Variants in STRN observed in about 807,000 individuals in gnomAD.
STRN encodes the protein protein phosphatase 2 regulatory subunit B'''alpha.
A neutral mutation model predicts 96.3 loss-of-function variants in STRN; 53 were observed. The ratio of observed to expected loss-of-function variants is 0.55; its 90% CI spans 0.44 to 0.69. STRN has a LOEUF of 0.69. Among genes scored for constraint, STRN ranks in the 30% least tolerant of loss-of-function variants. The pLI is 0.00. For missense variants in STRN, 987 were observed against 963.9 expected (o/e 1.02, Z -0.32); for synonymous variants, 428 against 355.9 (o/e 1.20, Z -2.28).
chr2:36,857,862 T>C lies in STRN; in HGVS notation c.1831A>G (p.Thr611Ala). The C allele has an allele frequency of 6.2e-7, 1 of 1,613,266 alleles. No homozygotes were observed. Among genetic ancestry groups the C allele is most frequent in the Non-Finnish European group, 8.5e-7 (1 of 1,179,490 alleles). ...AATTTTTTAAAGTATGTACCTTTAG[T>C]ATCATTAAATACACTTAGTGCTGGA... ...VAPALSVFND[T>A]KELGIPASVD... The change falls in exon 14 of 18, where the codon ACT becomes GCT. Residue 611 changes from threonine (T) to alanine (A), a missense_variant. Transcript: ENST00000263918.
intron 1 of STRN, among the ~76,000 whole-genome samples, chr2:36,930,044 C>T (rs1317590908): frequency 6.6e-6 from 1 of 152,178 alleles, no homozygotes; most frequent in Non-Finnish European, 1.5e-5. Flanking sequence ...TCTATTCCCT[C>T]TGAAAAGCTT....
At chr2:36,909,395 C>T (rs1484945029) in intron 3 of STRN, among the ~76,000 whole-genome samples, 3 of 151,958 alleles carry the variant, frequency 2.0e-5, no homozygotes, top group Non-Finnish European at 4.4e-5. Flanking sequence ...CTGCTATTTC[C>T]TGTCAAATTA....
At chr2:36,956,118 G>A (rs566332139) in intron 1 of STRN, among the ~76,000 whole-genome samples, 1 of 152,210 alleles carries the variant, frequency 6.6e-6, no homozygotes, top group South Asian at 2.1e-4. Flanking sequence ...GTACTTACAG[G>A]ACAAAGAGAA....
At chr2:36,958,393 G>C (rs538349680) in intron 1 of STRN, among the ~76,000 whole-genome samples, 21 of 152,300 alleles carry the variant, frequency 1.4e-4, no homozygotes, top group Admixed American at 2.6e-4. Context: ...TACTTACTAT[G>C]TTTAAAGAAT....
intron 1 of STRN, among the ~76,000 whole-genome samples, chr2:36,954,520 GAAAA>G (rs35594116): frequency 1.2e-5 from 1 of 84,894 alleles, no homozygotes; most frequent in Non-Finnish European, 2.5e-5. Context: ...TCAAACAGGG[GAAAA>G]AAAAAAAAAA....
intron 12 of STRN, among the ~76,000 whole-genome samples, chr2:36,862,010 T>G (rs1169864315): frequency 6.6e-6 from 1 of 152,156 alleles, no homozygotes; most frequent in African/African-American, 2.4e-5. Context: ...CACTTATAAG[T>G]GAGAACATGC....
chr2:36,924,457 G>A (rs1028744431), intron 2 of STRN, among the ~76,000 whole-genome samples: 1 of 151,518 alleles, frequency 6.6e-6, no homozygotes, highest in Non-Finnish European at 1.5e-5. Context: ...TAAATGACAG[G>A]AAAAGGAAAC....
intron 1 of STRN, among the ~76,000 whole-genome samples, chr2:36,961,115 CTT>C (rs551915869): frequency 0.025 from 1,483 of 60,056 alleles, 18 homozygotes; most frequent in African/African-American, 0.057. Flanking sequence ...CCAGGCTGCA[CTT>C]TTTTTTTTTT....
chr2:36,857,396 T>C (rs1248554324), intron 14 of STRN, among the ~76,000 whole-genome samples: 1 of 152,026 alleles, frequency 6.6e-6, no homozygotes, highest in Non-Finnish European at 1.5e-5. Context: ...AATTATAGGC[T>C]GGGTGCAGTG....
chr2:36,926,127 C>A (rs1317500419), intron 1 of STRN, among the ~76,000 whole-genome samples: 2 of 152,148 alleles, frequency 1.3e-5, no homozygotes, highest in South Asian at 4.1e-4. Context: ...TCCTGCCCCC[C>A]ACCCCAAGGA....
In STRN at chr2:36,873,809, G is replaced by GGCATGTGCCTGTAATCTCAGCTACCC. The variant is rs1572637824; in HGVS notation, c.1323+4056_1323+4081dup. ...AATACAAAAATTAGCTGGGCATGGT[G>GGCATGTGCCTGTAATCTCAGCTACCC]GCATGTGCCTGTAATCTCAGCTACC... On this transcript the variant is annotated intron_variant, in intron 10 of 17. Transcript: ENST00000263918. Among the ~76,000 whole-genome samples the GGCATGTGCCTGTAATCTCAGCTACCC allele has an allele frequency of 7.2e-5, 11 of 151,970 alleles. No homozygotes were observed. The East Asian group carries it at 2.1e-3, about 29-fold the overall frequency.
chr2:36,904,018 A>G (rs1017330093), intron 4 of STRN, among the ~76,000 whole-genome samples: 4 of 152,196 alleles, frequency 2.6e-5, no homozygotes, highest in African/African-American at 7.2e-5. Context: ...ATAAAATGAC[A>G]CCTTTACTCA....
chr2:36,899,759 A>G (rs1669636031), intron 5 of STRN, 101 bp from the exon 6 acceptor site: 3 of 1,100,464 alleles, frequency 2.7e-6, no homozygotes, highest in South Asian at 1.8e-5. Flanking sequence ...TATGGTAACT[A>G]TAAATCCCAA....
intron 1 of STRN, among the ~76,000 whole-genome samples, chr2:36,962,660 C>G (rs1030192416): frequency 6.6e-6 from 1 of 152,014 alleles, no homozygotes; most frequent in Non-Finnish European, 1.5e-5. Flanking sequence ...CAGCACACAC[C>G]ACCATGCTCA....
rs765029197 is a variant in STRN, at chr2:36,877,917, T to G, written c.1297A>C (p.Asn433His). 3 of 1,614,220 alleles carry G rather than the reference T, an allele frequency of 1.9e-6. No individual in the cohort carries two copies. The highest frequency in any genetic ancestry group is 3.3e-5 in the Admixed American group (2 of 60,032). ...LGELAGLTVA[N>H]EADSLTYDIA... ...TCATAAGTTAGTGAGTCTGCTTCAT[T>G]GGCCACCGTAAGGCCTGCTAGTTCT... Residue 433 changes from asparagine (N) to histidine (H), a missense_variant, in exon 10 of 18, where the codon AAT (asparagine) becomes CAT (histidine). Physicochemically the swap from Asn to His is moderately conservative, Grantham distance 68 (BLOSUM62 1). Coordinates refer to ENST00000263918, the MANE Select transcript of STRN (RefSeq NM_003162.4).
At position 36,837,794 on chromosome 2, in the gene STRN, A is replaced by G. The variant is rs950734737; in HGVS notation, c.*11662T>C. On this transcript the variant is annotated 3_prime_UTR_variant, in exon 18 of 18. Transcript: ENST00000263918. ...TTGGAAAAAAATGTTTGCATCCAAG[A>G]TAAGAAAATCTGAACATATATTGTA... is the stretch of plus-strand genomic sequence containing the variant. Among the ~76,000 whole-genome samples, 2 of 152,244 alleles carry G rather than the reference A, an allele frequency of 1.3e-5. No individual in the cohort carries two copies. Among genetic ancestry groups the G allele is most frequent in the Non-Finnish European group, 2.9e-5 (2 of 68,046 alleles).
chr2:36,844,327 TAA>T lies in STRN; in HGVS notation c.*5127_*5128del. On this transcript the variant is annotated 3_prime_UTR_variant, in exon 18 of 18. Transcript: ENST00000263918. The stretch of plus-strand genomic sequence containing the variant: ...AGACCAAAGACTTTCTGATTGCTGA[TAA>T]TAACAAATTTAGCAGCTCTCTACAA... The T allele has an allele frequency of 6.6e-6, 1 of 152,194 alleles. No homozygotes were observed. The highest frequency in any genetic ancestry group is 6.6e-5 in the Admixed American group (1 of 15,260). 9.4% of individuals were successfully genotyped at this position (152,194 alleles called of 1,614,324 possible).
At chr2:36,940,836 CAAAA>C (rs56996485) in intron 1 of STRN, among the ~76,000 whole-genome samples, 1 of 46,570 alleles carries the variant, frequency 2.1e-5, no homozygotes, top group Non-Finnish European at 5.3e-5. Context: ...GACTCTGTCT[CAAAA>C]AAAAAAAAAA....
rs1668060703 is a variant in STRN, at chr2:36,845,921, A to ATG, written c.*3534_*3535insCA. On this transcript the variant is annotated 3_prime_UTR_variant, in exon 18 of 18. Transcript: ENST00000263918. ...CACACACACACGCATGCATGCACAC[A>ATG]CACACACACACACACACACACACAC... The ATG allele has an allele frequency of 3.8e-5, 1 of 26,250 alleles. No homozygotes were observed. The highest frequency in any genetic ancestry group is 8.8e-5 in the Non-Finnish European group (1 of 11,344). 1.6% of individuals were successfully genotyped at this position (26,250 alleles called of 1,614,324 possible).
Sources: allele counts gnomAD v4.1 joint callset (sites outside exome capture counted in the v4.1 genomes callset), GRCh38; gene constraint gnomAD v4.1.1; transcripts MANE v1.5; gene names NCBI Gene and HGNC (gene_info 2026-07-23, HGNC 2026-07-21).